MAP2K6: variants seen among roughly 807,000 people sequenced by gnomAD.
MAP2K6 encodes the protein mitogen-activated protein kinase kinase 6.
A neutral mutation model predicts 53.7 loss-of-function variants in MAP2K6; 16 were observed. That is an observed-to-expected ratio of 0.30 (90% CI 0.20 to 0.45). The LOEUF is 0.45. Ranked by LOEUF, MAP2K6 falls within the 20% of genes least tolerant of loss-of-function variation. The probability of loss-of-function intolerance (pLI) is 1.00; values close to 1 mark genes in which losing one functional copy is unlikely to be tolerated. For missense variants in MAP2K6, 204 were observed against 411.9 expected (o/e 0.50, Z 4.37); for synonymous variants, 132 against 143.1 (o/e 0.92, Z 0.55).
At chr17:69,493,108 A>G (rs1328116283) in intron 1 of MAP2K6, among the ~76,000 whole-genome samples, 2 of 152,230 alleles carry the variant, frequency 1.3e-5, no homozygotes, top group African/African-American at 4.8e-5. Flanking sequence ...ACAAAAGAAT[A>G]AGAGGCTTAA....
At chr17:69,489,232 A>AG (rs1908656577) in intron 1 of MAP2K6, among the ~76,000 whole-genome samples, 1 of 151,794 alleles carries the variant, frequency 6.6e-6, no homozygotes, top group Non-Finnish European at 1.5e-5. Context: ...AAAAAAAAAA[A>AG]AAAAAAAGGA....
intron 1 of MAP2K6, among the ~76,000 whole-genome samples, chr17:69,423,842 T>C (rs1008290395): frequency 5.6e-4 from 85 of 152,348 alleles, no homozygotes; most frequent in African/African-American, 1.9e-3. Context: ...CCTCCCCTTA[T>C]TGATCCCACA....
chr17:69,484,278 CA>C (rs1908447422), intron 1 of MAP2K6, among the ~76,000 whole-genome samples: 1 of 151,832 alleles, frequency 6.6e-6, no homozygotes, highest in Non-Finnish European at 1.5e-5. Flanking sequence ...AGGATTTGAA[CA>C]GACATTTTAC....
chr17:69,486,818 C>T (rs1908557397), intron 1 of MAP2K6, among the ~76,000 whole-genome samples: 1 of 152,140 alleles, frequency 6.6e-6, no homozygotes, highest in African/African-American at 2.4e-5. Flanking sequence ...TTGAAGAATA[C>T]AAAACTTGGT....
intron 1 of MAP2K6, among the ~76,000 whole-genome samples, chr17:69,440,610 T>TA (rs1194622768): frequency 7.9e-5 from 12 of 152,200 alleles, no homozygotes; most frequent in African/African-American, 2.9e-4. Flanking sequence ...CCATTTTTTT[T>TA]AAAAAAACAG....
intron 1 of MAP2K6, among the ~76,000 whole-genome samples, chr17:69,468,364 G>A (rs1375419873): frequency 6.6e-6 from 1 of 152,156 alleles, no homozygotes; most frequent in East Asian, 1.9e-4. Context: ...GAATGACTAA[G>A]GAAGTAATTC....
chr17:69,493,659 G>A (rs1178358081), intron 1 of MAP2K6, among the ~76,000 whole-genome samples: 1 of 152,124 alleles, frequency 6.6e-6, no homozygotes, highest in African/African-American at 2.4e-5. Context: ...TACTTGGGAG[G>A]CTGAGAAAGG....
chr17:69,449,508 TC>T lies in MAP2K6; in HGVS notation c.16+34509del, dbSNP rs1247229364. Among the ~76,000 whole-genome samples the T allele has an allele frequency of 2.4e-4, 32 of 134,170 alleles. 1 individual carries two copies. In the South Asian group the frequency reaches 4.1e-3, roughly 17 times the overall value. The allele number at this position is 134,170 out of a possible 152,430, so 88.0% of individuals were successfully genotyped here. On this transcript the variant is annotated intron_variant, in intron 1 of 11. Coordinates refer to ENST00000590474, the MANE Select transcript of MAP2K6 (RefSeq NM_002758.4). ...GGTTGTCCTTTCTTTCTTTTTTCTTTCTTTCTTTGTCTTTCTTTCTTTGTCT... is the reference window on the plus strand; with the variant it reads ...GGTTGTCCTTTCTTTCTTTTTTCTTTTTTCTTTGTCTTTCTTTCTTTGTCT...
chr17:69,473,152 C>T (rs1908036693), intron 1 of MAP2K6, among the ~76,000 whole-genome samples: 3 of 152,084 alleles, frequency 2.0e-5, no homozygotes, highest in African/African-American at 7.2e-5. Flanking sequence ...ATTAATTAGC[C>T]TGTGGTAAAA....
intron 1 of MAP2K6, among the ~76,000 whole-genome samples, chr17:69,455,831 A>G (rs1220301966): frequency 1.4e-5 from 2 of 143,734 alleles, no homozygotes; most frequent in Non-Finnish European, 3.0e-5. Flanking sequence ...CCTGGGACTG[A>G]GTGGGTTCCT....
chr17:69,426,410 CA>C (rs1168743220), intron 1 of MAP2K6, among the ~76,000 whole-genome samples: 1 of 152,204 alleles, frequency 6.6e-6, no homozygotes, highest in Non-Finnish European at 1.5e-5. Flanking sequence ...CAGTGCTTGG[CA>C]TTCATTTATT....
intron 1 of MAP2K6, chr17:69,434,355 T>TA (rs1354016991): frequency 1.5e-4 from 23 of 152,248 alleles, no homozygotes; most frequent in African/African-American, 5.3e-4. Flanking sequence ...CTGCTTTTTG[T>TA]AACTTAACAT....
At chr17:69,434,153 C>A (rs1906563775) in intron 1 of MAP2K6, 1 of 152,124 alleles carries the variant, frequency 6.6e-6, no homozygotes, top group Non-Finnish European at 1.5e-5. Context: ...CTAAAAGATA[C>A]CAACCTTTAC....
intron 1 of MAP2K6, among the ~76,000 whole-genome samples, chr17:69,471,728 A>G (rs1907988004): frequency 6.6e-6 from 1 of 152,234 alleles, no homozygotes; most frequent in Non-Finnish European, 1.5e-5. Context: ...AAAAAATTCC[A>G]TAAATAATTC....
intron 1 of MAP2K6, among the ~76,000 whole-genome samples, chr17:69,443,250 T>C (rs1319174387): frequency 6.6e-6 from 1 of 152,042 alleles, no homozygotes; most frequent in Non-Finnish European, 1.5e-5. Context: ...AGTGCTGGAG[T>C]CTTCTGTGGC....
chr17:69,519,192 A>G, intron 4 of MAP2K6, 121 bp from the exon 5 acceptor site: 2 of 1,123,110 alleles, frequency 1.8e-6, no homozygotes, highest in Admixed American at 2.5e-5. Context: ...TTGGGTGGCT[A>G]TTCACAATGT....
At chr17:69,507,354 G>GTC (rs780483438) in intron 2 of MAP2K6, among the ~76,000 whole-genome samples, 1 of 151,430 alleles carries the variant, frequency 6.6e-6, no homozygotes, top group Non-Finnish European at 1.5e-5. Flanking sequence ...GTGTGTGTGT[G>GTC]TGCACGTGTA....
Position 69,421,767 on chromosome 17 carries a change from T to A in MAP2K6, c.16+6767T>A, listed in dbSNP as rs545396287. Among the ~76,000 whole-genome samples, 5 of 152,022 alleles carry A rather than the reference T, an allele frequency of 3.3e-5. No homozygotes were observed. In the South Asian group the frequency reaches 1.0e-3, roughly 32 times the overall value. On this transcript the variant is annotated intron_variant, in intron 1 of 11. Coordinates refer to ENST00000590474, the MANE Select transcript of MAP2K6 (RefSeq NM_002758.4). Reference sequence around the variant, plus strand: ...ACCGTGTTAGCCAGGATGGTCTCGATCTCCTGACCTCGTGATCCACCCGCC... The same window carrying A: ...ACCGTGTTAGCCAGGATGGTCTCGAACTCCTGACCTCGTGATCCACCCGCC...
At chr17:69,520,620 T>C (rs1910415679) in intron 6 of MAP2K6, 1 of 493,382 alleles carries the variant, frequency 2.0e-6, no homozygotes, top group East Asian at 3.4e-5. Context: ...AAGTGCTGCA[T>C]TCATCAGCTA....
Sources: allele counts gnomAD v4.1 joint callset (sites outside exome capture counted in the v4.1 genomes callset), GRCh38; gene constraint gnomAD v4.1.1; transcripts MANE v1.5; gene names NCBI Gene and HGNC (gene_info 2026-07-23, HGNC 2026-07-21).